TARP: variants seen among roughly 807,000 people sequenced by gnomAD.
At chr7:38,270,730 A>G in the TARP span, among the ~76,000 whole-genome samples, 4 of 150,910 alleles carry the variant, frequency 2.7e-5, no homozygotes, top group Non-Finnish European at 5.9e-5. Context: ...CTGCCTGACC[A>G]TGTCTGCTGA....
At chr7:38,272,055 T>C in the TARP span, among the ~76,000 whole-genome samples, 13 of 151,330 alleles carry the variant, frequency 8.6e-5, no homozygotes, top group Non-Finnish European at 1.3e-4. Flanking sequence ...TGTATTCAGG[T>C]AGATCATATT....
the TARP span, among the ~76,000 whole-genome samples, chr7:38,265,103 C>T: frequency 1.3e-5 from 2 of 151,308 alleles, no homozygotes; most frequent in African/African-American, 4.9e-5. Flanking sequence ...AAAACCAGCA[C>T]GTGACTTTCT....
the TARP span, among the ~76,000 whole-genome samples, chr7:38,270,976 A>G: frequency 2.6e-5 from 4 of 151,028 alleles, no homozygotes; most frequent in African/African-American, 9.8e-5. Context: ...ATCAATTAGT[A>G]AGATGTATGT....
the TARP span, among the ~76,000 whole-genome samples, chr7:38,272,989 T>C: frequency 1.3e-5 from 2 of 151,396 alleles, no homozygotes; most frequent in African/African-American, 4.9e-5. Context: ...AAACTTTCAT[T>C]TCAGTGGATC....
At chr7:38,270,050 A>C in the TARP span, among the ~76,000 whole-genome samples, 18 of 151,354 alleles carry the variant, frequency 1.2e-4, no homozygotes, top group Admixed American at 9.3e-4. Context: ...TGCAGTGAGA[A>C]TTGATCACAC....
the TARP span, chr7:38,262,105 G>A: frequency 1.4e-6 from 2 of 1,397,854 alleles, no homozygotes; most frequent in Admixed American, 3.4e-5. Context: ...TCCATTCCCT[G>A]ATTTTTCAAG....
the TARP span, chr7:38,259,710 A>G: frequency 1.2e-5 from 2 of 170,908 alleles, no homozygotes; most frequent in African/African-American, 4.9e-5. Flanking sequence ...CAACTAGCAA[A>G]GAAGACTGCT....
At chr7:38,273,574 A>C in the TARP span, 2 of 1,595,240 alleles carry the variant, frequency 1.3e-6, no homozygotes, top group Non-Finnish European at 1.7e-6. Context: ...TGCAAAATTT[A>C]AAGAAAACTT....
At chr7:38,262,986 A>C in the TARP span, among the ~76,000 whole-genome samples, 1 of 151,544 alleles carries the variant, frequency 6.6e-6, no homozygotes, top group African/African-American at 2.4e-5. Context: ...TTGAATCCAC[A>C]ACAGAATCTT....
the TARP span, among the ~76,000 whole-genome samples, chr7:38,269,021 A>C: frequency 7.1e-3 from 1,076 of 151,488 alleles, 12 homozygotes; most frequent in Non-Finnish European, 7.6e-3. Flanking sequence ...ATGGATTAGA[A>C]AACTGAGGCC....
chr7:38,271,542 T>C, the TARP span, among the ~76,000 whole-genome samples: 5 of 146,670 alleles, frequency 3.4e-5, no homozygotes, highest in African/African-American at 9.9e-5. Flanking sequence ...ATAGCACTGG[T>C]AAAAGGAAAA....
At chr7:38,260,824 G>T in the TARP span, among the ~76,000 whole-genome samples, 3 of 151,752 alleles carry the variant, frequency 2.0e-5, no homozygotes, top group South Asian at 2.1e-4. Flanking sequence ...CCCTGCCCTT[G>T]GTCAAGTGAG....
the TARP span, chr7:38,265,763 C>A: frequency 3.3e-5 from 34 of 1,019,532 alleles, no homozygotes; most frequent in East Asian, 7.7e-4. Flanking sequence ...TAGTACATAA[C>A]CATAAAAAGA....
chr7:38,273,623 T>G, the TARP span: 3 of 1,598,266 alleles, frequency 1.9e-6, no homozygotes, highest in Non-Finnish European at 2.5e-6. Context: ...CCAAATACCT[T>G]GATTTTTTTG....
At chr7:38,269,433 A>T in the TARP span, 1 of 713,398 alleles carries the variant, frequency 1.4e-6, no homozygotes, top group Non-Finnish European at 2.6e-6. Context: ...ATTCCAGTTT[A>T]ATAATTTCCT....
chr7:38,260,629 T>C, the TARP span, among the ~76,000 whole-genome samples: 1 of 151,730 alleles, frequency 6.6e-6, no homozygotes, highest in African/African-American at 2.4e-5. Context: ...GCAAGAGATA[T>C]GTGATGTCAA....
At chr7:38,265,984 C>T in the TARP span, among the ~76,000 whole-genome samples, 5 of 151,352 alleles carry the variant, frequency 3.3e-5, no homozygotes, top group Admixed American at 6.6e-5. Flanking sequence ...TTTTTAACTG[C>T]CTCCTACCAG....
the TARP span, among the ~76,000 whole-genome samples, chr7:38,273,196 A>T: frequency 1.3e-5 from 2 of 150,746 alleles, no homozygotes; most frequent in Non-Finnish European, 3.0e-5. Context: ...TGGTCAAATT[A>T]TCAAATATTT....
chr7:38,263,316 C>A, the TARP span, among the ~76,000 whole-genome samples: 1 of 151,756 alleles, frequency 6.6e-6, no homozygotes, highest in African/African-American at 2.4e-5. Context: ...GGCAACTTGC[C>A]GAGAATCATA....
Sources: gnomAD v4.1 joint callset for allele counts (sites outside exome capture counted in the v4.1 genomes callset) on GRCh38, gnomAD v4.1.1 for gene constraint, MANE v1.5 for transcripts.